Variants in CROT observed in about 807,000 individuals in gnomAD.
CROT encodes carnitine O-octanoyltransferase, also known as peroxisomal carnitine O-octanoyltransferase.
Under a neutral mutation model 89.2 loss-of-function variants are expected in CROT, and 84 were observed. The ratio of observed to expected loss-of-function variants is 0.94; its 90% CI spans 0.79 to 1.13. The LOEUF is 1.13. Ranked by LOEUF, CROT falls within the 50% of genes most tolerant of loss-of-function variation. The pLI, the probability that CROT is intolerant of heterozygous loss-of-function variation, is 0.00. For missense variants in CROT, 711 were observed against 727.8 expected, an observed-to-expected ratio of 0.98 and a Z score of 0.27; for synonymous variants, 212 against 239.5, an observed-to-expected ratio of 0.89 and a Z score of 1.06.
rs1254503228 is a variant in CROT at position 87,391,721 on chromosome 7, TG to T, written c.1425+11del. ...AGGATCCTTCTGTCAATGTGAGTAT[TG>T]GAAAGGAAAAAAACTCACAAGATTT... On this transcript the variant is annotated intron_variant, in intron 14 of 17. Coordinates refer to ENST00000331536, the MANE Select transcript of CROT (RefSeq NM_021151.4). The T allele has an allele frequency of 6.3e-7, 1 of 1,598,566 alleles. No homozygotes were observed. Among genetic ancestry groups the T allele is most frequent in the Non-Finnish European group, 8.5e-7 (1 of 1,175,588 alleles).
At chr7:87,361,900 G>A in intron 6 of CROT, 48 bp downstream of exon 6, 1 of 1,520,058 alleles carries the variant, frequency 6.6e-7, no homozygotes. Context: ...CTGGAATTTG[G>A]GTAGCCTACT....
intron 6 of CROT, among the ~76,000 whole-genome samples, chr7:87,364,528 G>A (rs1806379051): frequency 2.0e-5 from 3 of 152,192 alleles, no homozygotes; most frequent in Admixed American, 2.0e-4. Flanking sequence ...AACCCCAGCT[G>A]GAAGAGATGA....
intron 17 of CROT, chr7:87,398,244 T>C: frequency 1.8e-6 from 1 of 569,318 alleles, no homozygotes. Context: ...TTTTTTGTTC[T>C]GTTTTAAACG....
chr7:87,387,340 G>A (rs975573746), intron 13 of CROT, among the ~76,000 whole-genome samples: 1 of 151,876 alleles, frequency 6.6e-6, no homozygotes, highest in East Asian at 1.9e-4. Flanking sequence ...CAGTAAATTT[G>A]TGTTTAAGTC....
intron 7 of CROT, among the ~76,000 whole-genome samples, chr7:87,371,504 C>T (rs529063940): frequency 3.3e-5 from 5 of 152,008 alleles, no homozygotes; most frequent in Non-Finnish European, 5.9e-5. Flanking sequence ...CAAACATGCC[C>T]CTTTTTGTAT....
At position 87,375,651 on chromosome 7, in the gene CROT, A is replaced by C. The variant is rs996243707; in HGVS notation, c.676A>C (p.Lys226Gln). 3 of 1,612,984 alleles carry C rather than the reference A, an allele frequency of 1.9e-6. No homozygotes were observed. Among genetic ancestry groups the C allele is most frequent in the Non-Finnish European group, 2.5e-6 (3 of 1,179,206 alleles). ...ELLRQLTYIHKKCHSEPDGPG... is the reference protein window; with the variant it reads ...ELLRQLTYIHQKCHSEPDGPG... ...CATAAGACAACTGACATATATCCAC[A>C]AGAAGTGCCATAGTGAACCTGATGG... The change falls in exon 8 of 18, where the codon AAG (lysine) becomes CAG (glutamine). Residue 226 changes from lysine to glutamine, a missense_variant. By Grantham distance (53) the Lys-to-Gln change is moderately conservative (BLOSUM62 1). Coordinates refer to ENST00000331536, the MANE Select transcript of CROT (RefSeq NM_021151.4).
intron 2 of CROT, among the ~76,000 whole-genome samples, chr7:87,346,639 G>A (rs1805687484): frequency 6.6e-6 from 1 of 152,198 alleles, no homozygotes; most frequent in Admixed American, 6.5e-5. Flanking sequence ...TATTTTTAAT[G>A]TGTACCGGTT....
At chr7:87,357,040 A>T (rs1357714846) in intron 3 of CROT, among the ~76,000 whole-genome samples, 2 of 152,216 alleles carry the variant, frequency 1.3e-5, no homozygotes, top group Non-Finnish European at 2.9e-5. Context: ...TATATCAAGA[A>T]CAAATCTTGT....
At chr7:87,391,124 G>A (rs187214621) in intron 13 of CROT, among the ~76,000 whole-genome samples, 25 of 152,306 alleles carry the variant, frequency 1.6e-4, no homozygotes, top group African/African-American at 2.9e-4. Flanking sequence ...GTTTTCTGCC[G>A]CTAGGGCCTC....
At chr7:87,389,372 C>G (rs781623933) in intron 13 of CROT, among the ~76,000 whole-genome samples, 2 of 152,130 alleles carry the variant, frequency 1.3e-5, no homozygotes, top group African/African-American at 4.8e-5. Flanking sequence ...TGGAACCAAC[C>G]TAAGTGCCCA....
rs200986779 is a variant in CROT, at chr7:87,376,633, A to ATT, written c.876+694_876+695dup. On this transcript the variant is annotated intron_variant, in intron 9 of 17. Transcript: ENST00000331536. The stretch of plus-strand genomic sequence containing the variant: ...GGAAAACCTTGTAGCAAGGAGAGAG[A>ATT]TTTTTTTTTTTTTTTGAGAATCACC... Among the ~76,000 whole-genome samples the ATT allele has an allele frequency of 1.3e-3, 193 of 143,202 alleles. 1 individual carries two copies. Among genetic ancestry groups the ATT allele is most frequent in the African/African-American group, 3.9e-3 (155 of 39,566 alleles). 93.9% of individuals were successfully genotyped at this position (143,202 alleles called of 152,430 possible).
chr7:87,398,561 G>A lies in CROT; in HGVS notation c.1756G>A (p.Glu586Lys), dbSNP rs763449853. 19 of 1,613,684 alleles carry A rather than the reference G, an allele frequency of 1.2e-5. No individual in the cohort carries two copies. The highest frequency in any genetic ancestry group is 1.7e-4 in the Middle Eastern group (1 of 6,054). The change falls in exon 18 of 18, where the codon GAG becomes AAG. Residue 586 changes from glutamate to lysine, a missense_variant. Physicochemically the swap from Glu to Lys is moderately conservative, Grantham distance 56. Coordinates refer to ENST00000331536, the MANE Select transcript of CROT (RefSeq NM_021151.4). Reference sequence around the variant, plus strand: ...CTGTTCAGCCTGGAAATCCTGTCCCGAGACTGATGCGGAAAAGCTAGTTCA... The same window carrying A: ...CTGTTCAGCCTGGAAATCCTGTCCCAAGACTGATGCGGAAAAGCTAGTTCA... The part of the protein sequence containing the change: ...VACSAWKSCP[E>K]TDAEKLVQLT...
chr7:87,359,410 T>C, intron 4 of CROT, 80 bp downstream of exon 4: 1 of 1,498,356 alleles, frequency 6.7e-7, no homozygotes, highest in Non-Finnish European at 8.9e-7. Flanking sequence ...TTTTAAATTA[T>C]TGCTGTAAAA....
rs142614130 is a variant in CROT at position 87,369,469 on chromosome 7, C to T, written c.641C>T (p.Pro214Leu). The change falls in exon 7 of 18, where the codon CCG becomes CTG. Residue 214 changes from proline to leucine, a missense_variant. Physicochemically the swap from Pro to Leu is moderately conservative, Grantham distance 98. Transcript: ENST00000331536. The part of the protein sequence containing the change: ...DVIHEGCLVT[P>L]PELLRQLTYI... The stretch of plus-strand genomic sequence containing the variant: ...ATACATGAAGGATGTTTGGTCACCC[C>T]GCCAGAGCTTCTCAGGTTTTCAGAC... 42 of 1,610,536 alleles carry T rather than the reference C, an allele frequency of 2.6e-5. No homozygotes were observed. Among genetic ancestry groups the T allele is most frequent in the African/African-American group, 5.3e-5 (4 of 74,844 alleles).
At chr7:87,359,532 G>A (rs959728174) in intron 4 of CROT, 9 of 1,320,250 alleles carry the variant, frequency 6.8e-6, no homozygotes, top group Middle Eastern at 2.9e-4. Context: ...CAGATTTGCT[G>A]GGATAAGTGA....
intron 9 of CROT, among the ~76,000 whole-genome samples, chr7:87,376,940 A>G (rs1806829159): frequency 1.3e-5 from 2 of 152,156 alleles, no homozygotes; most frequent in South Asian, 4.1e-4. Context: ...GCCAAAGTAT[A>G]CAGTTTGAAA....
intron 13 of CROT, among the ~76,000 whole-genome samples, chr7:87,383,212 C>T (rs192357354): frequency 4.5e-4 from 68 of 152,164 alleles, no homozygotes; most frequent in African/African-American, 1.6e-3. Context: ...GAAGTTATTC[C>T]ATCTAACTGT....
Position 87,386,147 on chromosome 7 carries a change from C to T in CROT, c.1301+3604C>T, listed in dbSNP as rs528890440. ...TTTACTTCTTTAGTTGTGTCCTTTT[C>T]TGGTTTTGGTATTAGGATAATGCTG... On this transcript the variant is annotated intron_variant, in intron 13 of 17. Coordinates refer to ENST00000331536, the MANE Select transcript of CROT (RefSeq NM_021151.4). Among the ~76,000 whole-genome samples, 3 of 152,184 alleles carry T rather than the reference C, an allele frequency of 2.0e-5. No homozygotes were observed. The East Asian group carries it at 5.8e-4, about 29-fold the overall frequency.
At chr7:87,378,922 A>G (rs965193829) in intron 10 of CROT, among the ~76,000 whole-genome samples, 1 of 152,196 alleles carries the variant, frequency 6.6e-6, no homozygotes, top group Non-Finnish European at 1.5e-5. Context: ...GGAGTATCTC[A>G]TCAGAGCTAC....
Sources: allele counts gnomAD v4.1 joint callset (sites outside exome capture counted in the v4.1 genomes callset), GRCh38; gene constraint gnomAD v4.1.1; transcripts MANE v1.5; gene names NCBI Gene and HGNC (gene_info 2026-07-23, HGNC 2026-07-21).